TRAPPC9: variants seen among roughly 807,000 people sequenced by gnomAD.
TRAPPC9 encodes the protein IKK2 binding protein.
A neutral mutation model predicts 124.0 loss-of-function variants in TRAPPC9; 83 were observed. The observed-to-expected ratio is 0.67, with a 90% confidence interval of 0.56 to 0.80. The LOEUF (loss-of-function observed/expected upper bound fraction) is 0.80, where lower values mean the gene tolerates loss of function less well. Among genes scored for constraint, TRAPPC9 ranks in the 30% least tolerant of loss-of-function variants. TRAPPC9 has a pLI of 0.00. For synonymous variants in TRAPPC9, 638 were observed against 617.5 expected (o/e 1.03, Z -0.49); for missense variants, 1,302 against 1,508.3 (o/e 0.86, Z 2.27).
chr8:140,408,657 T>C (rs2069583752), intron 5 of TRAPPC9, among the ~76,000 whole-genome samples: 1 of 152,080 alleles, frequency 6.6e-6, no homozygotes, highest in South Asian at 2.1e-4. Flanking sequence ...GTAGGCTTTA[T>C]TTTGCAGAGG....
At chr8:140,002,651 T>C (rs1838476967) in intron 18 of TRAPPC9, among the ~76,000 whole-genome samples, 1 of 152,078 alleles carries the variant, frequency 6.6e-6, no homozygotes, top group Non-Finnish European at 1.5e-5. Context: ...AAGGACTTAC[T>C]ACAAGGTACA....
Position 140,160,598 on chromosome 8 carries a change from G to T in TRAPPC9, c.2556+60861C>A, listed in dbSNP as rs565680611. On this transcript the variant is annotated intron_variant, in intron 17 of 22. Transcript: ENST00000438773. ...CTCATAGGTGGGAATTGAACAATGA[G>T]AAGACATGGACACAGGAAGGGGAAC... Among the ~76,000 whole-genome samples, 271 of 142,774 alleles carry T rather than the reference G, an allele frequency of 1.9e-3. 1 individual carries two copies. The highest frequency in any genetic ancestry group is 6.7e-3 in the African/African-American group (259 of 38,604). 93.7% of individuals were successfully genotyped at this position (142,774 alleles called of 152,430 possible). A position where few individuals can be genotyped will look rare whatever the true frequency, so the allele number is the denominator to read the frequency against.
Position 139,825,272 on chromosome 8 carries a change from C to T in TRAPPC9, c.3055+60607G>A, listed in dbSNP as rs1825544087. 6.6e-6 allele frequency among the ~76,000 whole-genome samples: 1 copy of T among 152,210 alleles called. No individual in the cohort carries two copies. The highest frequency in any genetic ancestry group is 1.9e-4 in the East Asian group (1 of 5,182). The stretch of plus-strand genomic sequence containing the variant: ...CCTGTCTTTCAGGGAACTAGCCACT[C>T]CTCTGGGACCTGCAGCCACACTGGG... On this transcript the variant is annotated intron_variant, in intron 21 of 22. Coordinates refer to ENST00000438773, the MANE Select transcript of TRAPPC9 (RefSeq NM_001160372.4). The surrounding 1 kb of genome is among the most constrained non-coding windows in gnomAD (Gnocchi z 4.6).
rs865939219 is a variant in TRAPPC9, at chr8:140,275,733, T to C, written c.2203A>G (p.Ile735Val). 1.2e-6 allele frequency: 2 copies of C among 1,613,846 alleles called. No individual in the cohort carries two copies. Among genetic ancestry groups the C allele is most frequent in the Admixed American group, 3.3e-5 (2 of 60,014 alleles). Residue 735 changes from isoleucine (I) to valine (V), a missense_variant, in exon 15 of 23, where the codon ATC becomes GTC. Ile to Val is a conservative substitution (Grantham distance 29). Around this residue, in one of 3 missense-constraint regions of TRAPPC9, gnomAD observed 640 missense variants for 679.3 expected, o/e 0.94. Transcript: ENST00000438773. Reference sequence around the variant, plus strand: ...ATTCCAATATTTTCCAATTTAATGATTAGTTGCTGACTTTCTCCATTGTAA... The same window carrying C: ...ATTCCAATATTTTCCAATTTAATGACTAGTTGCTGACTTTCTCCATTGTAA... The part of the protein sequence containing the change: ...QLYNGESQQL[I>V]IKLENIGMEP...
At chr8:140,180,324 T>G (rs2062169280) in intron 17 of TRAPPC9, among the ~76,000 whole-genome samples, 1 of 152,022 alleles carries the variant, frequency 6.6e-6, no homozygotes, top group African/African-American at 2.4e-5. Context: ...AATGTAAGAA[T>G]CTACCACCAT....
At chr8:140,151,986 C>T (rs1442523304) in intron 17 of TRAPPC9, among the ~76,000 whole-genome samples, 10 of 152,142 alleles carry the variant, frequency 6.6e-5, no homozygotes, top group Non-Finnish European at 1.3e-4. Context: ...TCCATGGAGG[C>T]TAAGACCACG....
rs966532661 is a variant in TRAPPC9, at chr8:140,068,591, T to C, written c.2557-44512A>G. ...ATGAATGATTCAAACTCAGCCACGC[T>C]TGTCATGAAATCAGGCCGCTAGTTA... On this transcript the variant is annotated intron_variant, in intron 17 of 22. Transcript: ENST00000438773. 3.9e-5 allele frequency among the ~76,000 whole-genome samples: 6 copies of C among 152,378 alleles called. No homozygotes were observed. In the East Asian group the frequency reaches 7.7e-4, roughly 20 times the overall value.
At chr8:139,919,751 C>A (rs1280579775) in intron 19 of TRAPPC9, among the ~76,000 whole-genome samples, 1 of 152,198 alleles carries the variant, frequency 6.6e-6, no homozygotes, top group Admixed American at 6.5e-5. Flanking sequence ...TTTTCTTCAA[C>A]TTGGTGCCCC....
At chr8:140,231,224 C>T (rs923358734) in intron 16 of TRAPPC9, among the ~76,000 whole-genome samples, 6 of 152,212 alleles carry the variant, frequency 3.9e-5, no homozygotes, top group South Asian at 2.1e-4. Context: ...GCCCAGGACA[C>T]GCCTCCGAGG....
chr8:140,371,079 G>T lies in TRAPPC9; in HGVS notation c.1236C>A (p.Ala412=), dbSNP rs956898135. Residue 412 remains alanine, a synonymous_variant, in exon 8 of 23, where the codon GCC becomes GCA. Transcript: ENST00000438773. The part of the protein sequence containing the change: ...RKSAFFKRVA[A]MQCVAPSIAE... ...CGATGCTTGGGGCCACGCACTGCAT[G>T]GCGGCCACGCGCTTGAAGAACGCAG... is the stretch of plus-strand genomic sequence containing the variant. 8 of 1,614,260 alleles carry T rather than the reference G, an allele frequency of 5.0e-6. No individual in the cohort carries two copies. Among genetic ancestry groups the T allele is most frequent in the Non-Finnish European group, 6.8e-6 (8 of 1,180,050 alleles).
chr8:140,098,373 C>T (rs2060496001), intron 17 of TRAPPC9: 1 of 152,052 alleles, frequency 6.6e-6, no homozygotes, highest in South Asian at 2.1e-4. Context: ...AAGAGTCCGC[C>T]CAGGTCCTCC....
chr8:140,387,189 TG>T (rs2068778158), intron 7 of TRAPPC9, among the ~76,000 whole-genome samples: 1 of 152,192 alleles, frequency 6.6e-6, no homozygotes, highest in Non-Finnish European at 1.5e-5. Context: ...AAGACTTAAA[TG>T]TTAAGTCTTT....
intron 16 of TRAPPC9, among the ~76,000 whole-genome samples, chr8:140,226,105 A>T (rs543768168): frequency 6.6e-6 from 1 of 152,238 alleles, no homozygotes. Flanking sequence ...TCTTCATCCC[A>T]TGTGGTTCTG....
chr8:139,769,044 G>A (rs930489769), intron 21 of TRAPPC9, among the ~76,000 whole-genome samples: 2 of 152,146 alleles, frequency 1.3e-5, no homozygotes, highest in Admixed American at 6.5e-5. Context: ...GAATTTCTAT[G>A]AATTTCGAGA....
chr8:139,852,478 C>T (rs1827545898), intron 21 of TRAPPC9, among the ~76,000 whole-genome samples: 1 of 152,184 alleles, frequency 6.6e-6, no homozygotes. Context: ...CTGACAATAT[C>T]TGTTCTCCTC....
At chr8:139,936,215 C>T (rs915260216) in intron 19 of TRAPPC9, among the ~76,000 whole-genome samples, 8 of 152,256 alleles carry the variant, frequency 5.3e-5, no homozygotes, top group African/African-American at 1.7e-4. Flanking sequence ...CCGTCTAGCA[C>T]GCACCATCAC....
At chr8:140,223,788 G>A (rs1218000528) in intron 16 of TRAPPC9, among the ~76,000 whole-genome samples, 2 of 151,450 alleles carry the variant, frequency 1.3e-5, no homozygotes, top group Non-Finnish European at 2.9e-5. Flanking sequence ...CATTTGCTAA[G>A]GTATGTCCCC....
chr8:140,167,827 ACATCTC>A (rs1378728311), intron 17 of TRAPPC9, among the ~76,000 whole-genome samples: 1 of 152,218 alleles, frequency 6.6e-6, no homozygotes, highest in Non-Finnish European at 1.5e-5. Context: ...TTAAATGGGA[ACATCTC>A]CATTTTCTCG....
chr8:139,966,994 G>C (rs1835748306), intron 19 of TRAPPC9, among the ~76,000 whole-genome samples: 1 of 152,208 alleles, frequency 6.6e-6, no homozygotes, highest in African/African-American at 2.4e-5. Context: ...AGAGCAAAAA[G>C]TCAACGTAAA....
Sources: allele counts gnomAD v4.1 joint callset (sites outside exome capture counted in the v4.1 genomes callset), GRCh38; gene constraint gnomAD v4.1.1; regional missense constraint gnomAD v4.1.1; non-coding constraint Gnocchi (gnomAD v3.1); transcripts MANE v1.5; gene names NCBI Gene and HGNC (gene_info 2026-07-23, HGNC 2026-07-21).